Variants in CUX2 observed in about 807,000 individuals in gnomAD.
CUX2 encodes homeobox protein cut-like 2.
A neutral mutation model predicts 144.8 loss-of-function variants in CUX2; 40 were observed. That is an observed-to-expected ratio of 0.28 (90% CI 0.21 to 0.36). The LOEUF (loss-of-function observed/expected upper bound fraction) is 0.36. CUX2 is among the 10% of genes least tolerant of loss of function. CUX2 has a pLI of 1.00. For synonymous variants in CUX2, 827 were observed against 875.6 expected, an observed-to-expected ratio of 0.94 and a Z score of 0.98; for missense variants, 1,615 against 1,994.0, an observed-to-expected ratio of 0.81 and a Z score of 3.62.
chr12:111,097,116 G>T (rs978416229), intron 1 of CUX2, among the ~76,000 whole-genome samples: 3 of 152,200 alleles, frequency 2.0e-5, no homozygotes, highest in Admixed American at 2.0e-4. Context: ...CAGCACCCCC[G>T]AAAGTTCTGC....
In CUX2 at chr12:111,307,931, C is replaced by T. The variant is rs752811924; in HGVS notation, c.1110-354C>T. 2.6e-5 allele frequency among the ~76,000 whole-genome samples: 4 copies of T among 152,164 alleles called. No individual in the cohort carries two copies. The highest frequency in any genetic ancestry group is 5.9e-5 in the Non-Finnish European group (4 of 68,028). ...CTGGGAGGCAGAGATCGTGCCACTG[C>T]ACTCCAGCCTGGGTGACAGAGTGAG... On this transcript the variant is annotated intron_variant, in intron 12 of 21. Coordinates refer to ENST00000261726, the MANE Select transcript of CUX2 (RefSeq NM_015267.4). This position sits in a 1 kb window ranked among gnomAD's most constrained non-coding sequence, Gnocchi z 4.1.
rs1883268058 is a variant in CUX2 at position 111,246,086 on chromosome 12, A to T, written c.223-17675A>T. 6.6e-6 allele frequency among the ~76,000 whole-genome samples: 1 copy of T among 151,946 alleles called. No homozygotes were observed. The highest frequency in any genetic ancestry group is 2.4e-5 in the African/African-American group (1 of 41,368). ...CAAGCTGCTCTGTCTCCCGATCCCTACTCTGCCAGCTTTCCTAGCTGCATG... is the reference window on the plus strand; with the variant it reads ...CAAGCTGCTCTGTCTCCCGATCCCTTCTCTGCCAGCTTTCCTAGCTGCATG... On this transcript the variant is annotated intron_variant, in intron 3 of 21. Coordinates refer to ENST00000261726, the MANE Select transcript of CUX2 (RefSeq NM_015267.4). This position sits in a 1 kb window ranked among gnomAD's most constrained non-coding sequence, Gnocchi z 4.0.
chr12:111,225,256 C>T (rs1416842546), intron 3 of CUX2, among the ~76,000 whole-genome samples: 1 of 152,200 alleles, frequency 6.6e-6, no homozygotes, highest in East Asian at 1.9e-4. Context: ...AGTTGGCATT[C>T]CCAGCAGGTG....
chr12:111,343,882 G>A (rs1364132968), intron 21 of CUX2, among the ~76,000 whole-genome samples: 2 of 152,160 alleles, frequency 1.3e-5, no homozygotes, highest in Non-Finnish European at 2.9e-5. Flanking sequence ...CCAAAATGAT[G>A]AAACCCCATC....
Position 111,287,136 on chromosome 12 carries a change from C to A in CUX2, c.302-4282C>A, listed in dbSNP as rs572189416. On this transcript the variant is annotated intron_variant, in intron 4 of 21. Transcript: ENST00000261726. This position sits in a 1 kb window ranked among gnomAD's most constrained non-coding sequence, Gnocchi z 4.2. ...TGAGGCCAGCCTCCCCAAGACAGAG[C>A]ACACAGCCAGCAAGGAATGACCCAG... is the stretch of plus-strand genomic sequence containing the variant. Among the ~76,000 whole-genome samples the A allele has an allele frequency of 4.6e-5, 7 of 152,358 alleles. No homozygotes were observed. The East Asian group carries it at 1.2e-3, about 25-fold the overall frequency.
At chr12:111,285,533 C>T (rs758543779) in intron 4 of CUX2, among the ~76,000 whole-genome samples, 2 of 152,122 alleles carry the variant, frequency 1.3e-5, no homozygotes, top group Non-Finnish European at 2.9e-5. Context: ...GGACTGAGTC[C>T]CTGAGATGTT....
intron 1 of CUX2, among the ~76,000 whole-genome samples, chr12:111,205,063 G>T (rs1880833215): frequency 6.6e-6 from 1 of 152,196 alleles, no homozygotes; most frequent in Admixed American, 6.5e-5. Flanking sequence ...GGCGCAGGGA[G>T]TGATGGATGG....
At chr12:111,319,080 G>A (rs1887364795) in intron 16 of CUX2, among the ~76,000 whole-genome samples, 1 of 152,162 alleles carries the variant, frequency 6.6e-6, no homozygotes, top group South Asian at 2.1e-4. Context: ...TTGGGAGGCT[G>A]AGGAGGGCAG....
chr12:111,181,476 CT>C (rs1879173998), intron 1 of CUX2, among the ~76,000 whole-genome samples: 2 of 152,216 alleles, frequency 1.3e-5, no homozygotes, highest in African/African-American at 2.4e-5. Context: ...AATTTGGCGT[CT>C]GAGAAGCTGC....
intron 1 of CUX2, among the ~76,000 whole-genome samples, chr12:111,087,942 C>T (rs1872332595): frequency 6.6e-6 from 1 of 152,160 alleles, no homozygotes; most frequent in Non-Finnish European, 1.5e-5. Flanking sequence ...GTGGCACCCC[C>T]ACACCGAGGA....
intron 4 of CUX2, among the ~76,000 whole-genome samples, chr12:111,281,978 G>C (rs1489169906): frequency 6.6e-6 from 1 of 152,146 alleles, no homozygotes; most frequent in African/African-American, 2.4e-5. Flanking sequence ...TGGCCAGGGT[G>C]GTGGGGAGTT....
chr12:111,332,440 A>T (rs563931772), intron 18 of CUX2, among the ~76,000 whole-genome samples: 2 of 152,152 alleles, frequency 1.3e-5, no homozygotes, highest in African/African-American at 4.8e-5. Context: ...GCCCCAATCT[A>T]GCTTTTTAAT....
intron 4 of CUX2, among the ~76,000 whole-genome samples, chr12:111,274,581 C>T (rs1342534498): frequency 1.3e-5 from 2 of 152,226 alleles, no homozygotes; most frequent in Non-Finnish European, 1.5e-5. Flanking sequence ...GCCAGCCCCA[C>T]TGCCAACTGC....
intron 1 of CUX2, among the ~76,000 whole-genome samples, chr12:111,142,121 T>C (rs1166727652): frequency 1.3e-5 from 2 of 152,156 alleles, no homozygotes; most frequent in Non-Finnish European, 2.9e-5. Flanking sequence ...GGCAGGGCAA[T>C]GGAATATAGG....
At chr12:111,166,816 C>T (rs900080189) in intron 1 of CUX2, among the ~76,000 whole-genome samples, 6 of 152,094 alleles carry the variant, frequency 3.9e-5, no homozygotes, top group East Asian at 1.9e-4. Context: ...ATCTGCTTGG[C>T]GAACAGCAAC....
intron 3 of CUX2, among the ~76,000 whole-genome samples, chr12:111,243,858 T>TCC (rs1883148650): frequency 6.6e-6 from 1 of 152,146 alleles, no homozygotes; most frequent in Non-Finnish European, 1.5e-5. Context: ...ATCTGTAAGC[T>TCC]CCCTGTCCAT....
Position 111,312,033 on chromosome 12 carries a change from C to A in CUX2, c.1901-67C>A. 1 of 1,428,318 alleles carries A rather than the reference C, an allele frequency of 7.0e-7. No homozygotes were observed. Among genetic ancestry groups the A allele is most frequent in the Non-Finnish European group, 9.7e-7 (1 of 1,035,188 alleles). The allele number at this position is 1,428,318 out of a possible 1,614,324, so 88.5% of individuals were successfully genotyped here. Reference sequence around the variant, plus strand: ...TGGGAGGAGGAGACAGCCCCCCTACCCCACCAGGCTCCGGAGACTGAGCCC... The same window carrying A: ...TGGGAGGAGGAGACAGCCCCCCTACACCACCAGGCTCCGGAGACTGAGCCC... On this transcript the variant is annotated intron_variant, in intron 15 of 21. Coordinates refer to ENST00000261726, the MANE Select transcript of CUX2 (RefSeq NM_015267.4). The surrounding 1 kb of genome is among the most constrained non-coding windows in gnomAD (Gnocchi z 4.3).
chr12:111,284,458 T>C (rs537470834), intron 4 of CUX2, among the ~76,000 whole-genome samples: 1 of 152,166 alleles, frequency 6.6e-6, no homozygotes, highest in Non-Finnish European at 1.5e-5. Flanking sequence ...GACACGAGCA[T>C]TGGTCCCTTC....
chr12:111,291,322 G>T, intron 4 of CUX2, 96 bp from the exon 5 acceptor site: 1 of 1,433,102 alleles, frequency 7.0e-7, no homozygotes, highest in South Asian at 1.5e-5. Flanking sequence ...GGGTGACTCC[G>T]ATGGCTCCTG....
Sources: allele counts gnomAD v4.1 joint callset (sites outside exome capture counted in the v4.1 genomes callset), GRCh38; gene constraint gnomAD v4.1.1; non-coding constraint Gnocchi (gnomAD v3.1); transcripts MANE v1.5; gene names NCBI Gene and HGNC (gene_info 2026-07-23, HGNC 2026-07-21).